Variants in FBN3 observed in about 807,000 individuals in gnomAD.
FBN3 encodes fibrillin 3, also known as fibrillin-3.
Under a neutral mutation model 330.1 loss-of-function variants are expected in FBN3, and 234 were observed. The observed-to-expected ratio is 0.71, with a 90% CI of 0.64 to 0.79. FBN3 has a LOEUF of 0.79. Among genes scored for constraint, FBN3 ranks in the 30% least tolerant of loss-of-function variants. The pLI, the probability that FBN3 is intolerant of heterozygous loss-of-function variation, is 0.00. For synonymous variants in FBN3, 1,458 were observed against 1,517.3 expected (o/e 0.96, Z 0.91); for missense variants, 3,606 against 3,886.9 (o/e 0.93, Z 1.92).
chr19:8,095,930 CT>C lies in FBN3; in HGVS notation c.5656+33del, dbSNP rs766336735. ...CACTTCCTTAGATTCTGAGAACCCA[CT>C]TTGTGGCCAGCCTGCCACCTGAGCC... On this transcript the variant is annotated intron_variant, in intron 45 of 63. Coordinates refer to ENST00000600128, the MANE Select transcript of FBN3 (RefSeq NM_032447.5). 5 of 1,418,624 alleles carry C rather than the reference CT, an allele frequency of 3.5e-6. No homozygotes were observed. In the South Asian group the frequency reaches 5.8e-5, roughly 16 times the overall value. 87.9% of individuals were successfully genotyped at this position (1,418,624 alleles called of 1,614,324 possible).
rs149980911 is a variant in FBN3, at chr19:8,138,582, G to A, written c.866-18C>T. On this transcript the variant is annotated intron_variant, in intron 8 of 63. Transcript: ENST00000600128. The stretch of plus-strand genomic sequence containing the variant: ...CCGGTAGTCTGCAAAAGATCAGAGG[G>A]TGAGCCCATGAGCACAGGACATCAG... 895 of 1,589,692 alleles carry A rather than the reference G, an allele frequency of 5.6e-4. No individual in the cohort carries two copies. The African/African-American group carries it at 0.01, about 19-fold the overall frequency.
At chr19:8,139,041 G>T (rs1025583956) in intron 8 of FBN3, among the ~76,000 whole-genome samples, 1 of 147,558 alleles carries the variant, frequency 6.8e-6, no homozygotes, top group African/African-American at 2.5e-5. Flanking sequence ...GCAACAGAGC[G>T]AGACTCCGTC....
intron 57 of FBN3, among the ~76,000 whole-genome samples, chr19:8,082,370 CTT>C (rs2081816036): frequency 3.0e-5 from 2 of 65,712 alleles, no homozygotes; most frequent in African/African-American, 1.3e-4. Flanking sequence ...TTTCTTTTTT[CTT>C]TCTTTCTCTT....
At chr19:8,072,582 A>T (rs144995241) in intron 62 of FBN3, among the ~76,000 whole-genome samples, 30 of 151,968 alleles carry the variant, frequency 2.0e-4, no homozygotes, top group Non-Finnish European at 4.3e-4. Context: ...GTGCCTGGGG[A>T]TGTGTGTATA....
Position 8,109,544 on chromosome 19 carries a change from C to T in FBN3, c.4456+87G>A, listed in dbSNP as rs574316479. On this transcript the variant is annotated intron_variant, in intron 35 of 63. Transcript: ENST00000600128. This position sits in a 1 kb window ranked among gnomAD's most constrained non-coding sequence, Gnocchi z 5.2. ...TGTCAGGAGCAGGTAGATTTGAACACGTTGACATCTGAGTTAACCCAGTGG... is the reference window on the plus strand; with the variant it reads ...TGTCAGGAGCAGGTAGATTTGAACATGTTGACATCTGAGTTAACCCAGTGG... The T allele has an allele frequency of 1.4e-5, 22 of 1,542,340 alleles. No homozygotes were observed. The highest frequency in any genetic ancestry group is 6.8e-5 in the East Asian group (3 of 44,262).
chr19:8,088,776 T>C (rs144821561), intron 51 of FBN3, among the ~76,000 whole-genome samples: 4 of 152,132 alleles, frequency 2.6e-5, no homozygotes, highest in Admixed American at 2.0e-4. Context: ...ATTGAATGGG[T>C]GAATGAGCAA....
In FBN3 at chr19:8,075,136, A is replaced by G. The variant is rs1419657806; in HGVS notation, c.7637T>C (p.Leu2546Pro). The stretch of plus-strand genomic sequence containing the variant: ...GGGGCAGCTGCAGCGGTAGCCCCCT[A>G]GCTGGTTCTGACAGCCATGCTGGCA... ...HRCQHGCQNQ[L>P]GGYRCSCPQG... Residue 2546 changes from leucine to proline, a missense_variant, in exon 61 of 64, where the codon CTA (leucine) becomes CCA (proline). Leu to Pro is a moderately conservative substitution (Grantham distance 98). Transcript: ENST00000600128. The G allele has an allele frequency of 6.3e-7, 1 of 1,582,438 alleles. No homozygotes were observed. The highest frequency in any genetic ancestry group is 8.6e-7 in the Non-Finnish European group (1 of 1,163,658).
intron 10 of FBN3, 50 bp from the exon 11 acceptor site, chr19:8,136,581 A>C (rs913593292): frequency 1.2e-6 from 2 of 1,606,008 alleles, no homozygotes; most frequent in Non-Finnish European, 1.7e-6. Flanking sequence ...GCCCCGCCCC[A>C]GTCTGGAGCC....
chr19:8,121,314 T>G lies in FBN3; in HGVS notation c.3155A>C (p.Glu1052Ala). The G allele has an allele frequency of 1.9e-6, 3 of 1,613,260 alleles. No homozygotes were observed. Among genetic ancestry groups the G allele is most frequent in the Non-Finnish European group, 2.5e-6 (3 of 1,179,596 alleles). The part of the protein sequence containing the change: ...GTCVNTPGSF[E>A]CECFPGYESG... ...CTCGTAGCCGGGAAAACACTCGCAC[T>G]CAAAGCTGCCCGGCGTGTTGACACA... Residue 1052 changes from glutamate to alanine, a missense_variant, in exon 25 of 64, where the codon GAG becomes GCG. Glu to Ala is a moderately radical substitution (Grantham distance 107). Transcript: ENST00000600128. This position sits in a 1 kb window ranked among gnomAD's most constrained non-coding sequence, Gnocchi z 4.5.
chr19:8,097,956 C>T (rs998880404), intron 41 of FBN3, among the ~76,000 whole-genome samples: 2 of 152,096 alleles, frequency 1.3e-5, no homozygotes, highest in South Asian at 2.1e-4. Flanking sequence ...GACAGAAAGT[C>T]GATTTGTGGT....
chr19:8,111,626 C>A lies in FBN3; in HGVS notation c.4084+22G>T. 3.3e-6 allele frequency: 5 copies of A among 1,517,732 alleles called. No homozygotes were observed. In the South Asian group the frequency reaches 5.7e-5, roughly 17 times the overall value. The allele number at this position is 1,517,732 out of a possible 1,614,324, so 94.0% of individuals were successfully genotyped here. On this transcript the variant is annotated intron_variant, in intron 32 of 63. Transcript: ENST00000600128. Reference sequence around the variant, plus strand: ...GTGGCTGTCCCTCTAGGGCCCCTGCCCTCCCACCCCTCTAATCTCACCTTC... The same window carrying A: ...GTGGCTGTCCCTCTAGGGCCCCTGCACTCCCACCCCTCTAATCTCACCTTC...
chr19:8,090,033 G>A, intron 49 of FBN3, 66 bp downstream of exon 49: 23 of 1,600,484 alleles, frequency 1.4e-5, no homozygotes, highest in Non-Finnish European at 2.0e-5. Flanking sequence ...GGAAGGATGA[G>A]AGAAGAATGA....
intron 40 of FBN3, among the ~76,000 whole-genome samples, chr19:8,101,585 C>T (rs1437840659): frequency 1.3e-5 from 2 of 152,220 alleles, no homozygotes; most frequent in Non-Finnish European, 2.9e-5. Flanking sequence ...AGGTCTGCCC[C>T]TTCCCCAGCC....
Position 8,096,780 on chromosome 19 carries a change from G to T in FBN3, c.5413+101C>A. 1 of 1,407,634 alleles carries T rather than the reference G, an allele frequency of 7.1e-7. No individual in the cohort carries two copies. The highest frequency in any genetic ancestry group is 9.7e-7 in the Non-Finnish European group (1 of 1,029,648). The allele number at this position is 1,407,634 out of a possible 1,614,324, so 87.2% of individuals were successfully genotyped here. A position where few individuals can be genotyped will look rare whatever the true frequency, so the allele number is the denominator to read the frequency against. On this transcript the variant is annotated intron_variant, in intron 43 of 63. Transcript: ENST00000600128. This position sits in a 1 kb window ranked among gnomAD's most constrained non-coding sequence, Gnocchi z 4.6. ...CAATACATCCCCCACCCCCCTAATA[G>T]TATAGAAAAGGAGAAAGACCTGGAC...
chr19:8,090,023 G>A, intron 49 of FBN3, 64 bp from the exon 50 acceptor site: 3 of 1,599,650 alleles, frequency 1.9e-6, no homozygotes, highest in East Asian at 2.2e-5. Context: ...GTGTGTGCAG[G>A]GAAGGATGAG....
intron 23 of FBN3, 49 bp downstream of exon 23, chr19:8,123,735 C>T (rs776263600): frequency 1.2e-5 from 20 of 1,602,332 alleles, no homozygotes; most frequent in South Asian, 2.2e-5. Flanking sequence ...TTGCCTATGC[C>T]GTGCCCCTCC....
Position 8,136,076 on chromosome 19 carries a change from C to T in FBN3, c.1476G>A (p.Glu492=). The change falls in exon 13 of 64, where the codon GAG becomes GAA. Residue 492 remains glutamate (E), a synonymous_variant. Transcript: ENST00000600128. The part of the protein sequence containing the change: ...PTRQACVDVD[E]CIVSGGLCHL... ...GACAAAGGCCACCACTGACAATGCA[C>T]TCGTCCACATCTGCGGGGAAGGCAG... 1.2e-6 allele frequency: 2 copies of T among 1,614,068 alleles called. No individual in the cohort carries two copies. The highest frequency in any genetic ancestry group is 1.7e-6 in the Non-Finnish European group (2 of 1,179,962).
Position 8,147,451 on chromosome 19 carries a change from C to T in FBN3, c.30G>A (p.Arg10=). 4 of 1,557,712 alleles carry T rather than the reference C, an allele frequency of 2.6e-6. No individual in the cohort carries two copies. Among genetic ancestry groups the T allele is most frequent in the Non-Finnish European group, 3.5e-6 (4 of 1,154,620 alleles). The stretch of plus-strand genomic sequence containing the variant: ...CCAGCAGGAGCCGGGCCAGGGGGCC[C>T]CTTGCCAAATACAGACCCTCCAGAG... MTLEGLYLA[R]GPLARLLLAW... The change falls in exon 2 of 64, where the codon AGG becomes AGA. Residue 10 remains arginine, a synonymous_variant. Transcript: ENST00000600128.
In FBN3 at chr19:8,086,282, G is replaced by A; in HGVS notation, c.6798C>T (p.Gly2266=). 6.2e-7 allele frequency: 1 copy of A among 1,612,546 alleles called. No homozygotes were observed. Among genetic ancestry groups the A allele is most frequent in the South Asian group, 1.1e-5 (1 of 90,978 alleles). The part of the protein sequence containing the change: ...CHAQPDLCVN[G]RCVNTAGSFR... Reference sequence around the variant, plus strand: ...AGCTGCCCGCGGTGTTGACACAGCGGCCGTTGACACAGAGGTCAGGCTGAG... The same window carrying A: ...AGCTGCCCGCGGTGTTGACACAGCGACCGTTGACACAGAGGTCAGGCTGAG... Residue 2266 remains glycine, a synonymous_variant, in exon 55 of 64, where the codon GGC becomes GGT. Coordinates refer to ENST00000600128, the MANE Select transcript of FBN3 (RefSeq NM_032447.5).
Sources: allele counts gnomAD v4.1 joint callset (sites outside exome capture counted in the v4.1 genomes callset), GRCh38; gene constraint gnomAD v4.1.1; non-coding constraint Gnocchi (gnomAD v3.1); transcripts MANE v1.5; gene names NCBI Gene and HGNC (gene_info 2026-07-23, HGNC 2026-07-21).